The following SCG5 variants were observed in gnomAD, a reference collection of about 807,000 sequenced individuals.
SCG5 encodes the protein secretogranin V.
In SCG5, 18 loss-of-function variants were observed where a neutral mutation model predicts 25.7. That is an observed-to-expected ratio of 0.70 (90% CI 0.48 to 1.04). SCG5 has a LOEUF of 1.04. SCG5 is among the 50% of genes least tolerant of loss of function. The probability of loss-of-function intolerance (pLI) is 0.00; values close to 1 mark genes in which losing one functional copy is unlikely to be tolerated. For missense variants in SCG5, 206 were observed against 259.8 expected, an observed-to-expected ratio of 0.79 and a Z score of 1.42; for synonymous variants, 101 against 91.7, an observed-to-expected ratio of 1.10 and a Z score of -0.58.
intron 1 of SCG5, among the ~76,000 whole-genome samples, chr15:32,642,040 G>T (rs2053871636): frequency 6.6e-6 from 1 of 152,140 alleles, no homozygotes; most frequent in East Asian, 1.9e-4. Context: ...TGGAGATGGA[G>T]AGCCTCGTGT....
chr15:32,670,736 G>A (rs1418217229), intron 2 of SCG5, among the ~76,000 whole-genome samples: 1 of 152,240 alleles, frequency 6.6e-6, no homozygotes, highest in Non-Finnish European at 1.5e-5. Context: ...TGGAGAGCAA[G>A]CTCCTTGAGA....
At chr15:32,686,803 T>C (rs2054720567) in intron 4 of SCG5, among the ~76,000 whole-genome samples, 1 of 152,174 alleles carries the variant, frequency 6.6e-6, no homozygotes, top group African/African-American at 2.4e-5. Flanking sequence ...TCAGAGAGCT[T>C]ATAGTCCCAC....
chr15:32,693,410 A>T (rs569369462), intron 5 of SCG5, among the ~76,000 whole-genome samples: 3 of 152,298 alleles, frequency 2.0e-5, no homozygotes, highest in Non-Finnish European at 4.4e-5. Context: ...TGACCCAGAG[A>T]TATCAAGTTC....
chr15:32,656,738 G>A (rs139890747), intron 2 of SCG5, among the ~76,000 whole-genome samples: 1 of 152,340 alleles, frequency 6.6e-6, no homozygotes, highest in East Asian at 1.9e-4. Flanking sequence ...CTGCCTTCTT[G>A]GAACCAATTG....
At chr15:32,676,312 A>G (rs1004302999) in intron 2 of SCG5, among the ~76,000 whole-genome samples, 3 of 152,210 alleles carry the variant, frequency 2.0e-5, no homozygotes, top group African/African-American at 7.2e-5. Context: ...TTTTAATGGC[A>G]CTGGTGCACA....
At chr15:32,694,328 G>A (rs959083294) in intron 5 of SCG5, among the ~76,000 whole-genome samples, 1 of 152,148 alleles carries the variant, frequency 6.6e-6, no homozygotes, top group African/African-American at 2.4e-5. Flanking sequence ...TTGCAACCAA[G>A]CCCCATATGG....
At chr15:32,666,930 C>T (rs947836380) in intron 2 of SCG5, among the ~76,000 whole-genome samples, 2 of 152,160 alleles carry the variant, frequency 1.3e-5, no homozygotes, top group East Asian at 1.9e-4. Context: ...GTATTCACCA[C>T]GCCCAAGAGG....
intron 2 of SCG5, among the ~76,000 whole-genome samples, chr15:32,660,080 T>C (rs1437670382): frequency 6.6e-6 from 1 of 152,200 alleles, no homozygotes; most frequent in African/African-American, 2.4e-5. Context: ...ATTGGAAGGA[T>C]TATTTTTTCC....
At chr15:32,667,728 A>G (rs957541884) in intron 2 of SCG5, among the ~76,000 whole-genome samples, 2 of 150,338 alleles carry the variant, frequency 1.3e-5, no homozygotes, top group African/African-American at 4.9e-5. Flanking sequence ...GCTGGAGTGC[A>G]GTGGCACAGT....
intron 2 of SCG5, among the ~76,000 whole-genome samples, chr15:32,658,803 T>C (rs980996447): frequency 6.6e-6 from 1 of 152,178 alleles, no homozygotes; most frequent in Non-Finnish European, 1.5e-5. Context: ...ATTGGTCAAA[T>C]ACATGCACAG....
chr15:32,659,264 CG>C (rs1243939818), intron 2 of SCG5, among the ~76,000 whole-genome samples: 1 of 152,128 alleles, frequency 6.6e-6, no homozygotes, highest in East Asian at 1.9e-4. Flanking sequence ...CAGCATGTGC[CG>C]GATCATCTGT....
In SCG5 at chr15:32,642,568, CAAAAAAAAAA is replaced by C. The variant is rs11338067; in HGVS notation, c.-8+808_-8+817del. On this transcript the variant is annotated intron_variant, in intron 1 of 5. Coordinates refer to ENST00000300175, the MANE Select transcript of SCG5 (RefSeq NM_001144757.3). Reference sequence around the variant, plus strand: ...GGGCAACAAGAGTGAAACTCCGTCTCAAAAAAAAAAAAAAAAAAAAAAAAAAAGGGTTTGC... The same window carrying C: ...GGGCAACAAGAGTGAAACTCCGTCTCAAAAAAAAAAAAAAAAAGGGTTTGC... Among the ~76,000 whole-genome samples, 4 of 49,730 alleles carry C rather than the reference CAAAAAAAAAA, an allele frequency of 8.0e-5. No homozygotes were observed. The East Asian group carries it at 2.2e-3, about 28-fold the overall frequency. The allele number at this position is 49,730 out of a possible 152,430, so 32.6% of individuals were successfully genotyped here. A position where few individuals can be genotyped will look rare whatever the true frequency, so the allele number is the denominator to read the frequency against.
At chr15:32,673,125 A>T (rs543110233) in intron 2 of SCG5, 1 of 152,280 alleles carries the variant, frequency 6.6e-6, no homozygotes, top group African/African-American at 2.4e-5. Flanking sequence ...TTTACCTCTA[A>T]TTCCCACAGA....
At chr15:32,671,071 C>T (rs532930520) in intron 2 of SCG5, among the ~76,000 whole-genome samples, 72 of 152,230 alleles carry the variant, frequency 4.7e-4, no homozygotes, top group Non-Finnish European at 1.0e-3. Flanking sequence ...AGCATGTTAT[C>T]CCCGGGTTAA....
intron 2 of SCG5, among the ~76,000 whole-genome samples, chr15:32,658,553 C>G (rs2054163002): frequency 6.6e-6 from 1 of 152,158 alleles, no homozygotes; most frequent in Non-Finnish European, 1.5e-5. Context: ...AAGGCTGTCG[C>G]CAAGTTTTTC....
At position 32,641,766 on chromosome 15, in the gene SCG5, G is replaced by A. The variant is rs751012885; in HGVS notation, c.-20G>A. 1.3e-5 allele frequency: 2 copies of A among 152,402 alleles called. No homozygotes were observed. The highest frequency in any genetic ancestry group is 2.1e-4 in the South Asian group (1 of 4,822). 9.4% of individuals were successfully genotyped at this position (152,402 alleles called of 1,614,324 possible). A position where few individuals can be genotyped will look rare whatever the true frequency, so the allele number is the denominator to read the frequency against. ...AGGCCCATACCGCAGTAGGCTCCTC[G>A]GGCTGCCCCTCGGTGAGTACAGTTT... On this transcript the variant is annotated 5_prime_UTR_variant, in exon 1 of 6. Coordinates refer to ENST00000300175, the MANE Select transcript of SCG5 (RefSeq NM_001144757.3).
chr15:32,665,481 G>T (rs2054303809), intron 2 of SCG5, among the ~76,000 whole-genome samples: 1 of 151,976 alleles, frequency 6.6e-6, no homozygotes, highest in Non-Finnish European at 1.5e-5. Flanking sequence ...TTCATTTTAT[G>T]TCATTTTTTA....
At position 32,696,260 on chromosome 15, in the gene SCG5, G is replaced by A. The variant is rs1038635025; in HGVS notation, c.544-254G>A. Among the ~76,000 whole-genome samples the A allele has an allele frequency of 4.9e-4, 75 of 152,210 alleles. 1 individual carries two copies. Among genetic ancestry groups the A allele is most frequent in the African/African-American group, 1.6e-3 (68 of 41,530 alleles). ...AGCCTCCCAAGTAGCTGGGACTACAGGCACCCACCACCACGCCCGGCTAAT... is the reference window on the plus strand; with the variant it reads ...AGCCTCCCAAGTAGCTGGGACTACAAGCACCCACCACCACGCCCGGCTAAT... On this transcript the variant is annotated intron_variant, in intron 5 of 5. Transcript: ENST00000300175.
chr15:32,650,409 T>C (rs142253892), intron 2 of SCG5, among the ~76,000 whole-genome samples: 14 of 152,314 alleles, frequency 9.2e-5, no homozygotes, highest in Non-Finnish European at 1.9e-4. Flanking sequence ...CGCCCCAGTC[T>C]TATTTTTGAT....
Sources: gnomAD v4.1 joint callset for allele counts (sites outside exome capture counted in the v4.1 genomes callset) on GRCh38, gnomAD v4.1.1 for gene constraint, MANE v1.5 for transcripts, NCBI Gene and HGNC (gene_info 2026-07-23, HGNC 2026-07-21) for gene names.